FAM107B: variants seen among roughly 807,000 people sequenced by gnomAD.
FAM107B encodes family with sequence similarity 107 member B.
Under a neutral mutation model 31.5 loss-of-function variants are expected in FAM107B, and 21 were observed. That is an observed-to-expected ratio of 0.67 (90% CI 0.47 to 0.96). The LOEUF (loss-of-function observed/expected upper bound fraction) is 0.96. Ranked by LOEUF, FAM107B falls within the 40% of genes least tolerant of loss-of-function variation. FAM107B has a pLI of 0.00. For synonymous variants in FAM107B, 157 were observed against 141.5 expected, an observed-to-expected ratio of 1.11 and a Z score of -0.78; for missense variants, 452 against 377.1, an observed-to-expected ratio of 1.20 and a Z score of -1.64.
rs574987571 is a variant in FAM107B at position 14,760,001 on chromosome 10, C to T, written c.411+14252G>A. Among the ~76,000 whole-genome samples, 8 of 152,270 alleles carry T rather than the reference C, an allele frequency of 5.3e-5. No homozygotes were observed. In the South Asian group the frequency reaches 1.5e-3, roughly 28 times the overall value. ...TGCTGGGATTACAGGCGTGAGCCAC[C>T]GTGCCTAGCCAAGCCTTCATCTATT... On this transcript the variant is annotated intron_variant, in intron 1 of 4. Coordinates refer to ENST00000181796, the MANE Select transcript of FAM107B (RefSeq NM_031453.4).
chr10:14,677,424 A>G (rs1854710641), intron 1 of FAM107B, among the ~76,000 whole-genome samples: 1 of 152,154 alleles, frequency 6.6e-6, no homozygotes, highest in Admixed American at 6.5e-5. Flanking sequence ...GATTGAGACC[A>G]TCCTGGCTAA....
chr10:14,758,638 C>A (rs1832976081), intron 1 of FAM107B, among the ~76,000 whole-genome samples: 1 of 152,130 alleles, frequency 6.6e-6, no homozygotes, highest in South Asian at 2.1e-4. Flanking sequence ...GCCCTAGATG[C>A]CCAGCCGGGC....
intron 1 of FAM107B, among the ~76,000 whole-genome samples, chr10:14,760,799 G>T (rs1833027355): frequency 6.6e-6 from 1 of 152,064 alleles, no homozygotes; most frequent in South Asian, 2.1e-4. Context: ...ATCACTTGAG[G>T]TCAGGAGTTT....
At chr10:14,723,654 G>A (rs1003746233) in intron 1 of FAM107B, 26 of 731,736 alleles carry the variant, frequency 3.6e-5, no homozygotes, top group Middle Eastern at 3.7e-4. Context: ...ATTACTCTGC[G>A]AGAGGCTGGC....
At chr10:14,676,735 T>C (rs1316617714) in intron 1 of FAM107B, among the ~76,000 whole-genome samples, 2 of 152,230 alleles carry the variant, frequency 1.3e-5, no homozygotes, top group Non-Finnish European at 2.9e-5. Context: ...ACTTAATCCA[T>C]AACAACCCTC....
At chr10:14,533,841 T>G (rs1397546614) in intron 2 of FAM107B, among the ~76,000 whole-genome samples, 2 of 152,126 alleles carry the variant, frequency 1.3e-5, no homozygotes, top group South Asian at 4.1e-4. Context: ...TGCTTGGAAA[T>G]CTTTCTTCTC....
At position 14,618,991 on chromosome 10, in the gene FAM107B, T is replaced by C. The variant is rs182766509; in HGVS notation, c.469+48643A>G. Among the ~76,000 whole-genome samples, 135 of 151,756 alleles carry C rather than the reference T, an allele frequency of 8.9e-4. 1 individual carries two copies. Among genetic ancestry groups the C allele is most frequent in the African/African-American group, 3.1e-3 (127 of 41,368 alleles). On this transcript the variant is annotated intron_variant, in intron 2 of 4. Transcript: ENST00000181796. ...GGTCTTGTGACAACAGGGGCAGAGA[T>C]TGGAGTGATGTATCAATAAGCTAAA... is the stretch of plus-strand genomic sequence containing the variant.
intron 2 of FAM107B, among the ~76,000 whole-genome samples, chr10:14,626,597 G>A (rs1853171481): frequency 1.3e-5 from 2 of 148,514 alleles, no homozygotes; most frequent in African/African-American, 5.0e-5. Flanking sequence ...TCCGCCTTCC[G>A]GGTTCACGCC....
At chr10:14,707,957 A>G (rs1855557965) in intron 1 of FAM107B, among the ~76,000 whole-genome samples, 1 of 152,232 alleles carries the variant, frequency 6.6e-6, no homozygotes, top group African/African-American at 2.4e-5. Context: ...ATGTGTTAAA[A>G]TAGCTAGGAC....
At chr10:14,594,790 A>G (rs546074984) in intron 2 of FAM107B, among the ~76,000 whole-genome samples, 1 of 152,304 alleles carries the variant, frequency 6.6e-6, no homozygotes, top group African/African-American at 2.4e-5. Flanking sequence ...ATCACAGAAA[A>G]TAATGGCCAT....
chr10:14,536,724 C>T (rs975754483), intron 2 of FAM107B, among the ~76,000 whole-genome samples: 1 of 152,168 alleles, frequency 6.6e-6, no homozygotes, highest in African/African-American at 2.4e-5. Flanking sequence ...GAAACGACGT[C>T]CCACCAGAGT....
chr10:14,686,560 G>A (rs1265085357), intron 1 of FAM107B, among the ~76,000 whole-genome samples: 1 of 152,116 alleles, frequency 6.6e-6, no homozygotes, highest in Admixed American at 6.6e-5. Flanking sequence ...ACTCAACAAT[G>A]CCTCTGGTTT....
chr10:14,704,358 T>C (rs546901733), intron 1 of FAM107B, among the ~76,000 whole-genome samples: 133 of 152,136 alleles, frequency 8.7e-4, no homozygotes, highest in African/African-American at 3.0e-3. Context: ...GATCAGGTTT[T>C]AACTAATAGC....
intron 1 of FAM107B, among the ~76,000 whole-genome samples, chr10:14,752,071 A>T (rs1482403434): frequency 6.6e-6 from 1 of 152,020 alleles, no homozygotes; most frequent in Non-Finnish European, 1.5e-5. Flanking sequence ...ATTTTTTTCC[A>T]TTTCAGACTG....
At chr10:14,669,813 T>C (rs9664230) in intron 1 of FAM107B, among the ~76,000 whole-genome samples, 28,517 of 152,226 alleles carry the variant, frequency 0.19, 3,244 homozygotes, top group South Asian at 0.28. Flanking sequence ...GGTTGGTTAA[T>C]GGTTACAAAC....
Position 14,774,848 on chromosome 10 carries a change from G to C in FAM107B, c.-185C>G. ...TCCCTGAGAGTCACTTAGCCGCTGG[G>C]GCCCCTTTGAAAGTGTCCATCCTGG... On this transcript the variant is annotated 5_prime_UTR_variant, in exon 1 of 5. Coordinates refer to ENST00000181796, the MANE Select transcript of FAM107B (RefSeq NM_031453.4). 1.5e-6 allele frequency: 1 copy of C among 656,142 alleles called. No homozygotes were observed. Among genetic ancestry groups the C allele is most frequent in the African/African-American group, 1.8e-5 (1 of 54,666 alleles). The allele number at this position is 656,142 out of a possible 1,614,324, so 40.6% of individuals were successfully genotyped here.
At chr10:14,606,570 A>T (rs1852595372) in intron 2 of FAM107B, among the ~76,000 whole-genome samples, 1 of 152,184 alleles carries the variant, frequency 6.6e-6, no homozygotes, top group South Asian at 2.1e-4. Flanking sequence ...GTATTTGGAG[A>T]CAGGACCTAT....
intron 2 of FAM107B, among the ~76,000 whole-genome samples, chr10:14,560,230 C>G (rs753505837): frequency 4.2e-4 from 63 of 151,518 alleles, no homozygotes; most frequent in Non-Finnish European, 7.4e-4. Flanking sequence ...TTTTTTCTTT[C>G]CCATTTGGAA....
At chr10:14,556,276 C>G (rs979469634) in intron 2 of FAM107B, 6 of 886,384 alleles carry the variant, frequency 6.8e-6, no homozygotes, top group Admixed American at 6.2e-5. Flanking sequence ...ACTGGAAGGC[C>G]AGTAATTTGA....
Sources: gnomAD v4.1 joint callset for allele counts (sites outside exome capture counted in the v4.1 genomes callset) on GRCh38, gnomAD v4.1.1 for gene constraint, MANE v1.5 for transcripts, NCBI Gene and HGNC (gene_info 2026-07-23, HGNC 2026-07-21) for gene names.